The following CLCN3 variants were observed in gnomAD, a reference collection of about 807,000 sequenced individuals.
The protein encoded by CLCN3 is Cl-/H+ antiporter 3, also known as H(+)/Cl(-) exchange transporter 3.
Under a neutral mutation model 83.4 loss-of-function variants are expected in CLCN3, and 16 were observed. That is an observed-to-expected ratio of 0.19 (90% confidence interval 0.13 to 0.29). The LOEUF (loss-of-function observed/expected upper bound fraction) is 0.29. Ranked by LOEUF, CLCN3 falls within the 10% of genes least tolerant of loss-of-function variation. CLCN3 has a pLI of 1.00. For missense variants in CLCN3, 544 were observed against 1,006.0 expected (o/e 0.54, Z 6.21); for synonymous variants, 322 against 346.2 (o/e 0.93, Z 0.78).
At chr4:169,646,874 A>G (rs1730588390) in intron 2 of CLCN3, among the ~76,000 whole-genome samples, 1 of 152,222 alleles carries the variant, frequency 6.6e-6, no homozygotes, top group African/African-American at 2.4e-5. Context: ...GAAGGGAAAC[A>G]TATCTATTCT....
At chr4:169,622,848 T>C (rs1773141962) in intron 1 of CLCN3, among the ~76,000 whole-genome samples, 1 of 152,202 alleles carries the variant, frequency 6.6e-6, no homozygotes, top group Non-Finnish European at 1.5e-5. Flanking sequence ...GGACGTGGCT[T>C]GTAGGTTCAA....
chr4:169,629,017 G>A (rs549664636), intron 1 of CLCN3, among the ~76,000 whole-genome samples: 100 of 152,298 alleles, frequency 6.6e-4, no homozygotes, highest in Middle Eastern at 3.4e-3. Flanking sequence ...CCAGAGAATT[G>A]TGCTGAGAAC....
intron 2 of CLCN3, chr4:169,663,149 GTATA>G (rs746386315): frequency 7.4e-5 from 6 of 81,178 alleles, no homozygotes; most frequent in Non-Finnish European, 1.4e-4. Flanking sequence ...GTGTGTGTGT[GTATA>G]TATATGTGTG....
chr4:169,705,997 A>G (rs940544080), intron 10 of CLCN3, among the ~76,000 whole-genome samples: 1 of 151,788 alleles, frequency 6.6e-6, no homozygotes, highest in African/African-American at 2.4e-5. Flanking sequence ...GAGACCCCAA[A>G]TCCTAAAAAA....
intron 2 of CLCN3, among the ~76,000 whole-genome samples, chr4:169,653,678 G>A (rs532466720): frequency 2.0e-5 from 3 of 150,120 alleles, no homozygotes; most frequent in Non-Finnish European, 3.0e-5. Context: ...AAAAGAGGTC[G>A]TGCAGGCTGT....
At position 169,712,730 on chromosome 4, in the gene CLCN3, C is replaced by T. The variant is rs192933511; in HGVS notation, c.2150-349C>T. On this transcript the variant is annotated intron_variant, in intron 11 of 12. Coordinates refer to ENST00000513761, the MANE Select transcript of CLCN3 (RefSeq NM_001829.4). The stretch of plus-strand genomic sequence containing the variant: ...GATAATGGATTCCTATAATAAACTG[C>T]GCTCAGAATTTGTGCAGGTTTTAAA... Among the ~76,000 whole-genome samples the T allele has an allele frequency of 3.5e-4, 53 of 152,290 alleles. No homozygotes were observed. The East Asian group carries it at 9.8e-3, about 28-fold the overall frequency.
intron 6 of CLCN3, among the ~76,000 whole-genome samples, 170 bp from the exon 7 acceptor site, chr4:169,691,944 T>C (rs1448683617): frequency 2.0e-5 from 3 of 152,194 alleles, no homozygotes; most frequent in African/African-American, 7.2e-5. Flanking sequence ...TATCAATTTA[T>C]TATATGTAGC....
Position 169,692,095 on chromosome 4 carries a change from C to G in CLCN3, c.730-19C>G, listed in dbSNP as rs143375184. 6.9e-7 allele frequency: 1 copy of G among 1,457,536 alleles called. No individual in the cohort carries two copies. Among genetic ancestry groups the G allele is most frequent in the East Asian group, 2.3e-5 (1 of 43,868 alleles). The allele number at this position is 1,457,536 out of a possible 1,614,324, so 90.3% of individuals were successfully genotyped here. A position where few individuals can be genotyped will look rare whatever the true frequency, so the allele number is the denominator to read the frequency against. On this transcript the variant is annotated intron_variant, in intron 6 of 12. Coordinates refer to ENST00000513761, the MANE Select transcript of CLCN3 (RefSeq NM_001829.4). ...TGTTTCTTAAAGGACATTAAGCTGC[C>G]TTAATCTTTGCCTTGTAGATTAAAA...
At chr4:169,656,258 C>T (rs1730879741) in intron 2 of CLCN3, among the ~76,000 whole-genome samples, 2 of 152,174 alleles carry the variant, frequency 1.3e-5, no homozygotes, top group South Asian at 4.1e-4. Context: ...CACAGTTCTG[C>T]ACGCTGTACG....
At chr4:169,660,498 G>C in intron 2 of CLCN3, 1 of 1,241,498 alleles carries the variant, frequency 8.1e-7, no homozygotes, top group Non-Finnish European at 1.0e-6. Context: ...TTTTGCATGC[G>C]GCTGGGCGGT....
intron 12 of CLCN3, among the ~76,000 whole-genome samples, chr4:169,717,477 T>A (rs1733470292): frequency 6.6e-6 from 1 of 152,184 alleles, no homozygotes; most frequent in Non-Finnish European, 1.5e-5. Context: ...TATAGCTATG[T>A]ATCAATATTA....
At chr4:169,660,411 A>G in intron 2 of CLCN3, 2 of 1,408,658 alleles carry the variant, frequency 1.4e-6, no homozygotes, top group South Asian at 1.6e-5. Context: ...ATGACGGGGG[A>G]GGAGACAGTA....
intron 2 of CLCN3, among the ~76,000 whole-genome samples, chr4:169,675,815 C>CT (rs1268671159): frequency 6.6e-6 from 1 of 152,088 alleles, no homozygotes; most frequent in African/African-American, 2.4e-5. Flanking sequence ...TTAAAGGAGA[C>CT]TTGTCTAAAG....
At position 169,711,427 on chromosome 4, in the gene CLCN3, G is replaced by A. The variant is rs201695769; in HGVS notation, c.2150-1652G>A. Among the ~76,000 whole-genome samples the A allele has an allele frequency of 7.2e-5, 11 of 152,222 alleles. No individual in the cohort carries two copies. In the East Asian group the frequency reaches 1.2e-3, roughly 16 times the overall value. On this transcript the variant is annotated intron_variant, in intron 11 of 12. Transcript: ENST00000513761. ...TGCCTGGGCTGGAGTGCAATGGCGC[G>A]GCCTCAGCTCACTGCAACCTCCGCC...
intron 2 of CLCN3, among the ~76,000 whole-genome samples, chr4:169,652,500 A>T (rs930378504): frequency 1.3e-5 from 2 of 152,216 alleles, no homozygotes; most frequent in African/African-American, 2.4e-5. Flanking sequence ...ATCATTTTTT[A>T]AAAAATGAAT....
chr4:169,686,443 G>T (rs1732160950), intron 3 of CLCN3, among the ~76,000 whole-genome samples: 1 of 148,990 alleles, frequency 6.7e-6, no homozygotes, highest in African/African-American at 2.5e-5. Flanking sequence ...TTGAGATGGA[G>T]TCTAGCTCTG....
intron 1 of CLCN3, among the ~76,000 whole-genome samples, chr4:169,633,198 G>C (rs1773422786): frequency 2.0e-5 from 3 of 152,146 alleles, no homozygotes; most frequent in African/African-American, 7.2e-5. Flanking sequence ...TTTTAATAGA[G>C]ATGGGGTTCA....
At chr4:169,664,813 A>G (rs1021338934) in intron 2 of CLCN3, among the ~76,000 whole-genome samples, 3 of 152,212 alleles carry the variant, frequency 2.0e-5, no homozygotes, top group African/African-American at 7.2e-5. Context: ...AATGCTTTGT[A>G]TCAAGATTTC....
At chr4:169,640,516 A>G (rs1309920687) in intron 2 of CLCN3, among the ~76,000 whole-genome samples, 2 of 152,246 alleles carry the variant, frequency 1.3e-5, no homozygotes, top group Admixed American at 6.5e-5. Flanking sequence ...GACTAGTAGT[A>G]TCAGTCAGAA....
Sources: gnomAD v4.1 joint callset for allele counts (sites outside exome capture counted in the v4.1 genomes callset) on GRCh38, gnomAD v4.1.1 for gene constraint, MANE v1.5 for transcripts, NCBI Gene and HGNC (gene_info 2026-07-23, HGNC 2026-07-21) for gene names.